The following CNTN3 variants were observed in gnomAD, a reference collection of about 807,000 sequenced individuals.
CNTN3 encodes the protein contactin-3.
CNTN3 carries 60 observed loss-of-function variants against 119.1 expected under a neutral mutation model. The observed-to-expected ratio is 0.50, with a 90% CI of 0.41 to 0.62. The LOEUF is 0.62. CNTN3 is among the 20% of genes least tolerant of loss of function. The pLI is 0.00. For missense variants in CNTN3, 1,101 were observed against 1,242.4 expected, an observed-to-expected ratio of 0.89 and a Z score of 1.71; for synonymous variants, 450 against 438.7, an observed-to-expected ratio of 1.03 and a Z score of -0.32.
At chr3:74,450,678 A>C in intron 4 of CNTN3, among the ~76,000 whole-genome samples, 2 of 97,908 alleles carry the variant, frequency 2.0e-5, no homozygotes, top group African/African-American at 4.1e-5. Flanking sequence ...CCACCCCACA[A>C]CACTCCCCAG....
intron 5 of CNTN3, among the ~76,000 whole-genome samples, chr3:74,384,985 T>C (rs916210912): frequency 2.0e-5 from 3 of 152,228 alleles, no homozygotes; most frequent in African/African-American, 4.8e-5. Context: ...AGGGCCTTTC[T>C]AGGTTCTGAT....
intron 1 of CNTN3, among the ~76,000 whole-genome samples, chr3:74,549,019 GAAC>G (rs1703951869): frequency 6.6e-6 from 1 of 152,122 alleles, no homozygotes. Flanking sequence ...TCCATTATAT[GAAC>G]AACATCATGT....
chr3:74,453,439 C>G (rs1194761921), intron 4 of CNTN3, among the ~76,000 whole-genome samples: 1 of 152,046 alleles, frequency 6.6e-6, no homozygotes, highest in Non-Finnish European at 1.5e-5. Flanking sequence ...ACCAGTCTAT[C>G]AATTTTGTTA....
intron 5 of CNTN3, among the ~76,000 whole-genome samples, chr3:74,407,949 T>C (rs1021433658): frequency 7.2e-5 from 11 of 152,270 alleles, no homozygotes; most frequent in African/African-American, 2.4e-4. Context: ...ATATGCACAA[T>C]AGGTTCCCCA....
chr3:74,285,831 A>AAGGG, intron 19 of CNTN3, among the ~76,000 whole-genome samples: 1 of 132,378 alleles, frequency 7.6e-6, no homozygotes, highest in Admixed American at 7.5e-5. Context: ...ATATATATAT[A>AAGGG]TATATATAAA....
chr3:74,281,643 T>G (rs1702014443), intron 20 of CNTN3, among the ~76,000 whole-genome samples: 1 of 152,170 alleles, frequency 6.6e-6, no homozygotes, highest in Admixed American at 6.5e-5. Flanking sequence ...TCCTCGTGCC[T>G]GGCCAGAAGT....
At chr3:74,610,560 T>C (rs775102688) in intron 1 of CNTN3, among the ~76,000 whole-genome samples, 1 of 152,118 alleles carries the variant, frequency 6.6e-6, no homozygotes, top group Non-Finnish European at 1.5e-5. Flanking sequence ...CCACACAGCC[T>C]TGCAGGTAAT....
intron 1 of CNTN3, among the ~76,000 whole-genome samples, chr3:74,531,517 G>A (rs187029069): frequency 6.6e-6 from 1 of 152,080 alleles, no homozygotes; most frequent in Non-Finnish European, 1.5e-5. Flanking sequence ...TAGGAGATAA[G>A]GAAAGAGATA....
In CNTN3 at chr3:74,334,787, C is replaced by T. The variant is rs192637506; in HGVS notation, c.1616G>A (p.Gly539Glu). The change falls in exon 13 of 23, where the codon GGG (glycine) becomes GAG (glutamate). Residue 539 changes from glycine to glutamate, a missense_variant. By Grantham distance (98) the Gly-to-Glu change is moderately conservative. Coordinates refer to ENST00000263665, the MANE Select transcript of CNTN3 (RefSeq NM_020872.3). ...ATCTTTCTTAAAATCTGCAAGGGCC[C>T]CATTGAAATACCAGGTAAAGATGAT... ...LDIIFTWYFN[G>E]ALADFKKDGS... 1.9e-6 allele frequency: 3 copies of T among 1,613,606 alleles called. No homozygotes were observed. Among genetic ancestry groups the T allele is most frequent in the East Asian group, 4.5e-5 (2 of 44,858 alleles).
intron 5 of CNTN3, among the ~76,000 whole-genome samples, chr3:74,418,465 C>T (rs918229409): frequency 2.0e-5 from 3 of 150,208 alleles, no homozygotes; most frequent in African/African-American, 4.9e-5. Context: ...CCTCAGATTC[C>T]CAAATAGCTG....
intron 11 of CNTN3, among the ~76,000 whole-genome samples, chr3:74,360,819 C>T (rs1416816517): frequency 6.6e-6 from 1 of 152,078 alleles, no homozygotes; most frequent in African/African-American, 2.4e-5. Context: ...GTCTCTCCTG[C>T]CTCTTCTGTG....
intron 8 of CNTN3, among the ~76,000 whole-genome samples, chr3:74,366,660 T>C (rs1704195598): frequency 6.6e-6 from 1 of 151,482 alleles, no homozygotes; most frequent in African/African-American, 2.4e-5. Flanking sequence ...TTCTAGCTCA[T>C]AAAATTACTT....
intron 5 of CNTN3, among the ~76,000 whole-genome samples, chr3:74,372,331 G>C (rs996759210): frequency 1.3e-5 from 2 of 152,118 alleles, no homozygotes; most frequent in African/African-American, 2.4e-5. Context: ...TACAGTATGA[G>C]AGTTTTCTTG....
intron 3 of CNTN3, among the ~76,000 whole-genome samples, chr3:74,488,639 A>C (rs1702904556): frequency 1.3e-5 from 2 of 152,196 alleles, no homozygotes; most frequent in African/African-American, 4.8e-5. Context: ...CTTACTGCTC[A>C]AAGTTTATTT....
At chr3:74,560,902 T>C (rs980326348) in intron 1 of CNTN3, among the ~76,000 whole-genome samples, 25 of 151,806 alleles carry the variant, frequency 1.6e-4, no homozygotes, top group African/African-American at 6.0e-4. Context: ...GAAACCATCA[T>C]TCTCAGCAAA....
rs1701955563 is a variant in CNTN3, at chr3:74,279,616, C to T, written c.2704+5689G>A. Among the ~76,000 whole-genome samples, 3 of 149,770 alleles carry T rather than the reference C, an allele frequency of 2.0e-5. No homozygotes were observed. In the Admixed American group the frequency reaches 2.0e-4, roughly 10 times the overall value. On this transcript the variant is annotated intron_variant, in intron 20 of 22. Transcript: ENST00000263665. ...AGGACGCAAAGGCGTAAGAATGATA[C>T]AATGGACTTTCGGGACTTGGGGGGA...
intron 20 of CNTN3, among the ~76,000 whole-genome samples, chr3:74,268,259 G>A (rs1229108048): frequency 6.6e-6 from 1 of 152,034 alleles, no homozygotes; most frequent in African/African-American, 2.4e-5. Flanking sequence ...AACACAGATA[G>A]GGCACTGGAA....
intron 4 of CNTN3, among the ~76,000 whole-genome samples, chr3:74,463,032 T>C (rs1318276335): frequency 2.6e-5 from 4 of 152,188 alleles, no homozygotes; most frequent in South Asian, 2.1e-4. Flanking sequence ...CATGTCTTTA[T>C]GTCCCTCACA....
intron 1 of CNTN3, among the ~76,000 whole-genome samples, chr3:74,549,213 T>C (rs1008873532): frequency 6.6e-6 from 1 of 152,048 alleles, no homozygotes; most frequent in Non-Finnish European, 1.5e-5. Context: ...ATCTGGTTGT[T>C]TGGAAAGTGT....
Sources: allele counts gnomAD v4.1 joint callset (sites outside exome capture counted in the v4.1 genomes callset), GRCh38; gene constraint gnomAD v4.1.1; transcripts MANE v1.5; gene names NCBI Gene and HGNC (gene_info 2026-07-23, HGNC 2026-07-21).